Variants in SLK observed in about 807,000 individuals in gnomAD.
The protein encoded by SLK is STE20 like kinase, also known as STE20-like serine/threonine-protein kinase.
SLK carries 67 observed loss-of-function variants against 147.7 expected under a neutral mutation model. The ratio of observed to expected loss-of-function variants is 0.45; its 90% CI spans 0.37 to 0.56. The LOEUF is 0.56. SLK is among the 20% of genes least tolerant of loss of function. SLK has a pLI of 0.00. For synonymous variants in SLK, 441 were observed against 475.0 expected (o/e 0.93, Z 0.93); for missense variants, 1,136 against 1,438.8 (o/e 0.79, Z 3.41).
intron 17 of SLK, 43 bp from the exon 18 acceptor site, chr10:104,021,577 T>C (rs1844534432): frequency 9.8e-7 from 1 of 1,019,200 alleles, no homozygotes; most frequent in African/African-American, 1.6e-5. Context: ...GAAAAATTGC[T>C]TAGTTGATCT....
chr10:103,999,667 C>T (rs898550919), intron 6 of SLK, among the ~76,000 whole-genome samples, 200 bp from the exon 7 acceptor site: 7 of 152,010 alleles, frequency 4.6e-5, no homozygotes, highest in African/African-American at 1.7e-4. Context: ...TGATTATGTA[C>T]CTACTTACAT....
chr10:103,977,308 C>T (rs805668), intron 1 of SLK, among the ~76,000 whole-genome samples: 117,580 of 152,022 alleles, frequency 0.77, 46,070 homozygotes, highest in East Asian at 0.9. Context: ...TGCCCCAAAA[C>T]CTCAATAAAA....
rs761337519 is a variant in SLK, at chr10:104,002,860, T to G, written c.1682T>G (p.Val561Gly). The G allele has an allele frequency of 1.5e-5, 24 of 1,613,856 alleles. No homozygotes were observed. The highest frequency in any genetic ancestry group is 2.0e-5 in the Non-Finnish European group (24 of 1,179,988). ...TCEAADVAQK[V>G]DEDSAEDTQS... is the part of the protein sequence containing the mutation. ...GAGGCAGCAGATGTGGCTCAGAAAG[T>G]GGATGAAGACAGTGCTGAGGATACG... The change falls in exon 9 of 19, where the codon GTG (valine) becomes GGG (glycine). Residue 561 changes from valine (V) to glycine (G), a missense_variant. Around this residue, in one of 6 missense-constraint regions of SLK, gnomAD observed 516 missense variants for 531.3 expected, o/e 0.97. Coordinates refer to ENST00000369755, the MANE Select transcript of SLK (RefSeq NM_014720.4).
At chr10:104,014,237 A>G (rs1001044054) in intron 13 of SLK, among the ~76,000 whole-genome samples, 4 of 152,232 alleles carry the variant, frequency 2.6e-5, no homozygotes, top group Non-Finnish European at 4.4e-5. Context: ...AAGCCATGTT[A>G]AAAGTAGTGA....
chr10:103,970,458 G>A (rs1843777891), intron 1 of SLK, among the ~76,000 whole-genome samples: 1 of 152,172 alleles, frequency 6.6e-6, no homozygotes, highest in Non-Finnish European at 1.5e-5. Context: ...TGATCTTGAT[G>A]ACTGTATTTT....
At position 103,967,742 on chromosome 10, in the gene SLK, A is replaced by G. The variant is rs1843735118; in HGVS notation, c.-4A>G. The G allele has an allele frequency of 6.2e-7, 1 of 1,613,534 alleles. No individual in the cohort carries two copies. The highest frequency in any genetic ancestry group is 8.5e-7 in the Non-Finnish European group (1 of 1,179,578). ...GTGCAAGGAACTCTGTGTTGGGAGG[A>G]AAAATGTCCTTCTTCAATTTCCGTA... On this transcript the variant is annotated 5_prime_UTR_variant, in exon 1 of 19. Coordinates refer to ENST00000369755, the MANE Select transcript of SLK (RefSeq NM_014720.4).
Position 103,993,133 on chromosome 10 carries a change from G to T in SLK, c.514G>T (p.Ala172Ser). The T allele has an allele frequency of 1.9e-6, 3 of 1,590,440 alleles. No homozygotes were observed. Among genetic ancestry groups the T allele is most frequent in the Non-Finnish European group, 2.6e-6 (3 of 1,167,266 alleles). Residue 172 changes from alanine to serine, a missense_variant and splice_region_variant, in exon 4 of 19, where the codon GCG becomes TCG. By Grantham distance (99) the Ala-to-Ser change is moderately conservative. This residue lies in a region of SLK where 141 missense variants were observed against 219.3 expected (regional missense o/e 0.64). Transcript: ENST00000369755. ...TACCTTAGATGGAGATATCAAATTG[G>T]GTAAGTTATTCACTTAAATAAAACA... ...LFTLDGDIKL[A>S]DFGVSAKNTR...
chr10:104,022,194 G>A (rs1038940455), intron 18 of SLK, among the ~76,000 whole-genome samples: 1 of 152,114 alleles, frequency 6.6e-6, no homozygotes, highest in African/African-American at 2.4e-5. Flanking sequence ...ATGAGAGGGG[G>A]TGTGTGCCAG....
chr10:103,994,429 T>G (rs1844139373), intron 4 of SLK, among the ~76,000 whole-genome samples: 1 of 152,166 alleles, frequency 6.6e-6, no homozygotes, highest in South Asian at 2.1e-4. Context: ...TCTCTAGATG[T>G]TAGGGTTTAA....
chr10:103,979,052 G>C lies in SLK; in HGVS notation c.150+11157G>C, dbSNP rs543265175. Among the ~76,000 whole-genome samples the C allele has an allele frequency of 1.5e-3, 231 of 152,210 alleles. 1 individual carries two copies. The highest frequency in any genetic ancestry group is 5.4e-3 in the African/African-American group (223 of 41,506). ...TTTTTTTGAGACAGGGTCTCACTCTGTCGCCCAGGCAGGAGTGCAGTGCCG... is the reference window on the plus strand; with the variant it reads ...TTTTTTTGAGACAGGGTCTCACTCTCTCGCCCAGGCAGGAGTGCAGTGCCG... On this transcript the variant is annotated intron_variant, in intron 1 of 18. Coordinates refer to ENST00000369755, the MANE Select transcript of SLK (RefSeq NM_014720.4).
At chr10:103,974,435 C>T (rs1000833696) in intron 1 of SLK, 2 of 148,244 alleles carry the variant, frequency 1.3e-5, no homozygotes, top group African/African-American at 4.9e-5. Flanking sequence ...CACGGTGAAA[C>T]CCCGTCTCTA....
At chr10:103,980,235 T>A (rs904775686) in intron 1 of SLK, among the ~76,000 whole-genome samples, 1 of 144,828 alleles carries the variant, frequency 6.9e-6, no homozygotes, top group African/African-American at 2.5e-5. Context: ...AAATGATTAT[T>A]TATTAATGCT....
At chr10:103,999,826 C>T (rs752750398) in intron 6 of SLK, 41 bp from the exon 7 acceptor site, 3 of 848,036 alleles carry the variant, frequency 3.5e-6, no homozygotes, top group Non-Finnish European at 5.8e-6. Flanking sequence ...ATTTGATTAA[C>T]AAGAAAGTAA....
At chr10:103,984,348 C>G (rs1015570825) in intron 1 of SLK, among the ~76,000 whole-genome samples, 3 of 152,162 alleles carry the variant, frequency 2.0e-5, no homozygotes, top group Non-Finnish European at 4.4e-5. Flanking sequence ...CTCGGTTAGA[C>G]CTAACTTAAC....
chr10:103,990,721 A>T lies in SLK; in HGVS notation c.197A>T (p.Asp66Val). 6.4e-7 allele frequency: 1 copy of T among 1,572,480 alleles called. No homozygotes were observed. The highest frequency in any genetic ancestry group is 1.9e-5 in the Admixed American group (1 of 52,876). The stretch of plus-strand genomic sequence containing the variant: ...GTTTTAGCTGCTGCAAAAGTGATTG[A>T]CACTAAATCTGAAGAAGAACTTGAA... ...TSVLAAAKVIDTKSEEELEDY... is the reference protein window; with the variant it reads ...TSVLAAAKVIVTKSEEELEDY... Residue 66 changes from aspartate (D) to valine (V), a missense_variant, in exon 2 of 19, where the codon GAC becomes GTC. Asp to Val is a radical substitution (Grantham distance 152, BLOSUM62 -3). Around this residue, in one of 6 missense-constraint regions of SLK, gnomAD observed 126 missense variants for 141.3 expected, o/e 0.89. Transcript: ENST00000369755.
chr10:103,991,492 GTT>G (rs1844092889), intron 2 of SLK, among the ~76,000 whole-genome samples: 1 of 152,014 alleles, frequency 6.6e-6, no homozygotes, highest in Admixed American at 6.6e-5. Context: ...AAGAAGCAAA[GTT>G]TTATGAGAGA....
chr10:103,985,340 G>C (rs1355001532), intron 1 of SLK, among the ~76,000 whole-genome samples: 2 of 152,162 alleles, frequency 1.3e-5, no homozygotes, highest in Non-Finnish European at 2.9e-5. Context: ...GTTTGTCTTT[G>C]TGTTTTCTGC....
intron 18 of SLK, among the ~76,000 whole-genome samples, chr10:104,022,419 T>C (rs1844547419): frequency 2.0e-5 from 3 of 152,214 alleles, no homozygotes; most frequent in African/African-American, 4.8e-5. Context: ...CCATTTCACC[T>C]GAGTTTTTGC....
At chr10:103,968,205 C>A (rs1379291875) in intron 1 of SLK, among the ~76,000 whole-genome samples, 1 of 152,156 alleles carries the variant, frequency 6.6e-6, no homozygotes. Flanking sequence ...TTGTGCCCTT[C>A]AAGTATTTTA....
Sources: allele counts gnomAD v4.1 joint callset (sites outside exome capture counted in the v4.1 genomes callset), GRCh38; gene constraint gnomAD v4.1.1; regional missense constraint gnomAD v4.1.1; transcripts MANE v1.5; gene names NCBI Gene and HGNC (gene_info 2026-07-23, HGNC 2026-07-21).